MGLL: variants seen among roughly 807,000 people sequenced by gnomAD.
The protein encoded by MGLL is monoglyceride lipase.
Under a neutral mutation model 29.1 loss-of-function variants are expected in MGLL, and 7 were observed. The observed-to-expected ratio is 0.24, with a 90% CI of 0.14 to 0.45. MGLL has a LOEUF of 0.45. Ranked by LOEUF, MGLL falls within the 20% of genes least tolerant of loss-of-function variation. MGLL has a pLI of 0.99. For missense variants in MGLL, 356 were observed against 413.6 expected, an observed-to-expected ratio of 0.86 and a Z score of 1.21; for synonymous variants, 148 against 168.3, an observed-to-expected ratio of 0.88 and a Z score of 0.93.
chr3:127,818,256 C>T (rs1344050703), intron 2 of MGLL, among the ~76,000 whole-genome samples: 2 of 152,254 alleles, frequency 1.3e-5, no homozygotes, highest in Non-Finnish European at 2.9e-5. Context: ...AGCCACTGCA[C>T]CCGGCCAATA....
intron 2 of MGLL, among the ~76,000 whole-genome samples, chr3:127,783,525 T>A (rs552052212): frequency 4.6e-5 from 7 of 152,322 alleles, no homozygotes; most frequent in African/African-American, 1.7e-4. Flanking sequence ...GCTGAGGACA[T>A]AGACACCTCA....
At chr3:127,707,051 C>T (rs2075617126) in intron 6 of MGLL, among the ~76,000 whole-genome samples, 1 of 152,160 alleles carries the variant, frequency 6.6e-6, no homozygotes, top group African/African-American at 2.4e-5. Flanking sequence ...GCTGAGTGGC[C>T]ACTCCTCATG....
intron 6 of MGLL, among the ~76,000 whole-genome samples, chr3:127,699,056 G>A (rs576238348): frequency 2.0e-5 from 3 of 152,210 alleles, no homozygotes; most frequent in African/African-American, 4.8e-5. Flanking sequence ...TTTTTTCCCC[G>A]GGGTGGGGGT....
chr3:127,716,130 C>G (rs1188326101), intron 5 of MGLL, among the ~76,000 whole-genome samples: 1 of 152,204 alleles, frequency 6.6e-6, no homozygotes, highest in Non-Finnish European at 1.5e-5. Flanking sequence ...GGCCAAAACC[C>G]ATGACAAATG....
chr3:127,731,034 T>C (rs1462557527), intron 3 of MGLL, among the ~76,000 whole-genome samples: 2 of 152,214 alleles, frequency 1.3e-5, no homozygotes, highest in African/African-American at 2.4e-5. Context: ...AGGCAGTGTT[T>C]CCATAATGGC....
At position 127,722,721 on chromosome 3, in the gene MGLL, T is replaced by C. The variant is rs539691120; in HGVS notation, c.263-155A>G. On this transcript the variant is annotated intron_variant, in intron 3 of 7. Coordinates refer to ENST00000265052, the MANE Select transcript of MGLL (RefSeq NM_007283.7). ...CAGCCACTCTTGAACGTTGGAATTC[T>C]TCTCCCCACTTTTTATGGATTAGGA... Among the ~76,000 whole-genome samples, 3 of 152,340 alleles carry C rather than the reference T, an allele frequency of 2.0e-5. 1 individual carries two copies. In the South Asian group the frequency reaches 6.2e-4, roughly 32 times the overall value.
At chr3:127,814,025 T>C (rs2077709972) in intron 2 of MGLL, among the ~76,000 whole-genome samples, 1 of 151,864 alleles carries the variant, frequency 6.6e-6, no homozygotes, top group Non-Finnish European at 1.5e-5. Context: ...CTTCTTTCCT[T>C]CCTTCCTTTC....
chr3:127,810,461 A>G (rs1211467890), intron 2 of MGLL, among the ~76,000 whole-genome samples: 1 of 152,168 alleles, frequency 6.6e-6, no homozygotes. Context: ...TGCCTGTGAG[A>G]GTGTGATTCC....
intron 3 of MGLL, among the ~76,000 whole-genome samples, chr3:127,726,246 G>A (rs935335110): frequency 1.4e-5 from 2 of 145,110 alleles, no homozygotes. Flanking sequence ...AAGGAAGGAA[G>A]GGAGGGAAAG....
intron 3 of MGLL, among the ~76,000 whole-genome samples, chr3:127,751,325 C>T (rs1442155680): frequency 6.6e-6 from 1 of 151,824 alleles, no homozygotes; most frequent in East Asian, 1.9e-4. Flanking sequence ...TTGTGACTCA[C>T]TCGGACCAAC....
chr3:127,802,687 C>T (rs898074025), intron 2 of MGLL, among the ~76,000 whole-genome samples: 3 of 152,200 alleles, frequency 2.0e-5, no homozygotes, highest in Admixed American at 1.3e-4. Flanking sequence ...TTAACATGTG[C>T]GATCTCTTCA....
In MGLL at chr3:127,721,088, C is replaced by T; in HGVS notation, c.475G>A (p.Val159Ile). Residue 159 changes from valine to isoleucine, a missense_variant, in exon 5 of 8, where the codon GTT becomes ATT. Transcript: ENST00000265052. ...FAGMVLISPLVLANPESATTF... is the reference protein window; with the variant it reads ...FAGMVLISPLILANPESATTF... ...GTTGCAGATTCAGGATTGGCAAGAA[C>T]CAGAGGCGAAATGAGTACCATGCCG... is the stretch of plus-strand genomic sequence containing the variant. The T allele has an allele frequency of 6.2e-7, 1 of 1,614,250 alleles. No individual in the cohort carries two copies. The highest frequency in any genetic ancestry group is 8.5e-7 in the Non-Finnish European group (1 of 1,180,052).
chr3:127,755,714 A>T (rs2076652044), intron 3 of MGLL, among the ~76,000 whole-genome samples: 1 of 152,200 alleles, frequency 6.6e-6, no homozygotes, highest in African/African-American at 2.4e-5. Context: ...CACCTGTATT[A>T]TTATTTACCT....
intron 5 of MGLL, among the ~76,000 whole-genome samples, chr3:127,718,649 G>A (rs952529339): frequency 4.6e-5 from 7 of 152,072 alleles, no homozygotes; most frequent in African/African-American, 1.7e-4. Context: ...GAGTACCCCC[G>A]ACATGCATGG....
intron 2 of MGLL, among the ~76,000 whole-genome samples, chr3:127,803,074 G>A (rs1179372085): frequency 6.6e-6 from 1 of 151,934 alleles, no homozygotes; most frequent in Non-Finnish European, 1.5e-5. Context: ...CCGCCTCCTG[G>A]GTTCAAGTGA....
chr3:127,694,152 C>G (rs1010585566), intron 7 of MGLL, among the ~76,000 whole-genome samples: 8 of 151,432 alleles, frequency 5.3e-5, no homozygotes, highest in Admixed American at 5.3e-4. Flanking sequence ...CGCCTGTAAT[C>G]CCAGCTACTC....
chr3:127,694,279 A>AT (rs1162958380), intron 7 of MGLL, among the ~76,000 whole-genome samples: 2 of 117,516 alleles, frequency 1.7e-5, no homozygotes, highest in African/African-American at 6.1e-5. Context: ...GAAAAAAAAA[A>AT]AAAAAAAATA....
At chr3:127,744,760 G>A (rs1032482494) in intron 3 of MGLL, among the ~76,000 whole-genome samples, 3 of 152,120 alleles carry the variant, frequency 2.0e-5, no homozygotes, top group South Asian at 2.1e-4. Flanking sequence ...TTACACCGCC[G>A]GACACGGTTT....
chr3:127,730,988 G>A (rs2076140805), intron 3 of MGLL, among the ~76,000 whole-genome samples: 1 of 152,224 alleles, frequency 6.6e-6, no homozygotes, highest in Admixed American at 6.5e-5. Flanking sequence ...CTGGCAGAAG[G>A]TGGGTGTTTG....
Sources: gnomAD v4.1 joint callset for allele counts (sites outside exome capture counted in the v4.1 genomes callset) on GRCh38, gnomAD v4.1.1 for gene constraint, MANE v1.5 for transcripts, NCBI Gene and HGNC (gene_info 2026-07-23, HGNC 2026-07-21) for gene names.